Variants in SLIT3 observed in about 807,000 individuals in gnomAD.
SLIT3 encodes the protein slit homolog 3 protein.
Under a neutral mutation model 184.0 loss-of-function variants are expected in SLIT3, and 68 were observed. The ratio of observed to expected loss-of-function variants is 0.37; its 90% CI spans 0.30 to 0.45. The LOEUF (loss-of-function observed/expected upper bound fraction) is 0.45. SLIT3 is among the 20% of genes least tolerant of loss of function. The pLI, the probability that SLIT3 is intolerant of heterozygous loss-of-function variation, is 1.00. For synonymous variants in SLIT3, 831 were observed against 828.6 expected, an observed-to-expected ratio of 1.00 and a Z score of -0.05; for missense variants, 1,707 against 2,026.0, an observed-to-expected ratio of 0.84 and a Z score of 3.02.
At chr5:168,733,056 C>T (rs930326762) in intron 20 of SLIT3, among the ~76,000 whole-genome samples, 1 of 151,806 alleles carries the variant, frequency 6.6e-6, no homozygotes, top group Non-Finnish European at 1.5e-5. Flanking sequence ...TTAAACTATG[C>T]CTAAACAAAG....
At chr5:168,709,828 G>A (rs2113315324) in intron 25 of SLIT3, among the ~76,000 whole-genome samples, 1 of 148,130 alleles carries the variant, frequency 6.8e-6, no homozygotes, top group African/African-American at 2.6e-5. Context: ...CAAAATAAAA[G>A]GAGTTTTTTT....
At chr5:169,255,762 T>A (rs1046957853) in intron 1 of SLIT3, among the ~76,000 whole-genome samples, 1 of 151,948 alleles carries the variant, frequency 6.6e-6, no homozygotes, top group Non-Finnish European at 1.5e-5. Flanking sequence ...GGGTGCCTGT[T>A]GTCCCAGCTA....
At chr5:169,101,962 C>T (rs1760036114) in intron 4 of SLIT3, among the ~76,000 whole-genome samples, 3 of 152,190 alleles carry the variant, frequency 2.0e-5, no homozygotes, top group Admixed American at 2.0e-4. Context: ...CTGGCCTTTC[C>T]CAGCACTGAC....
intron 30 of SLIT3, among the ~76,000 whole-genome samples, chr5:168,686,671 A>C: frequency 6.6e-6 from 1 of 152,244 alleles, no homozygotes; most frequent in Non-Finnish European, 1.5e-5. Flanking sequence ...AGATGGTGGC[A>C]TCTTCCATTA....
chr5:168,740,611 A>C (rs1763596063), intron 20 of SLIT3, among the ~76,000 whole-genome samples: 1 of 152,064 alleles, frequency 6.6e-6, no homozygotes, highest in Non-Finnish European at 1.5e-5. Context: ...GCCAGCTTTC[A>C]CTTTCTTTGA....
chr5:169,111,411 G>A (rs1461149761), intron 4 of SLIT3, among the ~76,000 whole-genome samples: 1 of 152,218 alleles, frequency 6.6e-6, no homozygotes, highest in Non-Finnish European at 1.5e-5. Flanking sequence ...TAACATGAAA[G>A]TAGCCATAGA....
At position 169,122,668 on chromosome 5, in the gene SLIT3, G is replaced by A. The variant is rs185648898; in HGVS notation, c.413+70811C>T. 4.8e-4 allele frequency among the ~76,000 whole-genome samples: 73 copies of A among 152,190 alleles called. 1 individual carries two copies. The highest frequency in any genetic ancestry group is 1.5e-3 in the African/African-American group (61 of 41,510). ...CAGTGTCCCTTTATTTTAGGTTACCGGTAACACCATCACCACCTCCTAGAA... is the reference window on the plus strand; with the variant it reads ...CAGTGTCCCTTTATTTTAGGTTACCAGTAACACCATCACCACCTCCTAGAA... On this transcript the variant is annotated intron_variant, in intron 4 of 35. Transcript: ENST00000519560.
chr5:168,711,010 C>A lies in SLIT3; in HGVS notation c.2604G>T (p.Leu868=). Residue 868 remains leucine (L), a synonymous_variant, in exon 25 of 36, where the codon CTG becomes CTT. Coordinates refer to ENST00000519560, the MANE Select transcript of SLIT3 (RefSeq NM_003062.4). ...TGTACCCCGCCTTCACCCACTCCGA[C>A]AGCCACCGAAGACTGCAGTCACAGT... ...PLHCDCSLRW[L]SEWVKAGYKE... 1 of 1,582,542 alleles carries A rather than the reference C, an allele frequency of 6.3e-7. No homozygotes were observed. Among genetic ancestry groups the A allele is most frequent in the Non-Finnish European group, 8.6e-7 (1 of 1,163,472 alleles).
At chr5:169,032,509 A>ATTTTT (rs3072089) in intron 4 of SLIT3, among the ~76,000 whole-genome samples, 2,325 of 145,318 alleles carry the variant, frequency 0.016, 66 homozygotes, top group African/African-American at 0.054. Flanking sequence ...TGTGCCAGTC[A>ATTTTT]TTTTTTTTTT....
intron 1 of SLIT3, among the ~76,000 whole-genome samples, chr5:169,278,970 G>T (rs1411475916): frequency 2.0e-5 from 3 of 152,152 alleles, no homozygotes; most frequent in Admixed American, 2.0e-4. Context: ...TACGGGGGCT[G>T]TACCATGAGG....
chr5:168,857,373 T>TTTTTTTTG (rs1554149579), intron 5 of SLIT3, among the ~76,000 whole-genome samples: 1 of 150,818 alleles, frequency 6.6e-6, no homozygotes, highest in Non-Finnish European at 1.5e-5. Flanking sequence ...AGAGTTTTTG[T>TTTTTTTTG]TTTTGTTTTG....
At chr5:168,702,692 A>C (rs1217355384) in intron 26 of SLIT3, among the ~76,000 whole-genome samples, 2 of 152,114 alleles carry the variant, frequency 1.3e-5, no homozygotes, top group African/African-American at 2.4e-5. Flanking sequence ...GATGATGATG[A>C]TGATGATGAT....
At chr5:168,991,807 C>T (rs1044147186) in intron 4 of SLIT3, among the ~76,000 whole-genome samples, 7 of 152,180 alleles carry the variant, frequency 4.6e-5, no homozygotes, top group African/African-American at 9.6e-5. Flanking sequence ...AGAAAAACAG[C>T]CCAGACTCCA....
At chr5:168,686,666 G>A (rs1761754008) in intron 30 of SLIT3, among the ~76,000 whole-genome samples, 4 of 152,224 alleles carry the variant, frequency 2.6e-5, no homozygotes, top group Admixed American at 2.6e-4. Flanking sequence ...CTTCAAGATG[G>A]TGGCATCTTC....
At chr5:168,872,830 C>T (rs1280572862) in intron 5 of SLIT3, among the ~76,000 whole-genome samples, 2 of 151,850 alleles carry the variant, frequency 1.3e-5, no homozygotes, top group Admixed American at 6.6e-5. Context: ...TTAGTAGAGA[C>T]GGGGTTTCAC....
In SLIT3 at chr5:169,001,874, T is replaced by C. The variant is rs559601418; in HGVS notation, c.414-118538A>G. Among the ~76,000 whole-genome samples the C allele has an allele frequency of 1.3e-3, 197 of 152,162 alleles. 2 individuals carry two copies. Among genetic ancestry groups the C allele is most frequent in the African/African-American group, 4.6e-3 (191 of 41,510 alleles). On this transcript the variant is annotated intron_variant, in intron 4 of 35. Transcript: ENST00000519560. ...AACCAAAGTCTCCCTCCTTTTTTTT[T>C]CCCCTTGACATACAGAATTGCAGGG...
intron 24 of SLIT3, among the ~76,000 whole-genome samples, chr5:168,711,377 A>C (rs1379655401): frequency 6.6e-6 from 1 of 152,100 alleles, no homozygotes; most frequent in Non-Finnish European, 1.5e-5. Flanking sequence ...CCATCTGATT[A>C]TCTGGTTCCC....
Position 169,077,894 on chromosome 5 carries a change from T to C in SLIT3, c.413+115585A>G, listed in dbSNP as rs535604252. Among the ~76,000 whole-genome samples, 10 of 149,130 alleles carry C rather than the reference T, an allele frequency of 6.7e-5. No homozygotes were observed. In the East Asian group the frequency reaches 2.0e-3, roughly 29 times the overall value. On this transcript the variant is annotated intron_variant, in intron 4 of 35. Coordinates refer to ENST00000519560, the MANE Select transcript of SLIT3 (RefSeq NM_003062.4). ...TGTAAAAAAATATTATTTTAAAAAA[T>C]AGCAACACTTTTTAAGTTTCCTTTT...
Position 168,901,468 on chromosome 5 carries a change from G to A in SLIT3, c.414-18132C>T, listed in dbSNP as rs939769284. ...TCTCCATCCTCAACCCAACAACCCA[G>A]TCAGTCCTCCCAGTTTGACTTCCTT... On this transcript the variant is annotated intron_variant, in intron 4 of 35. Coordinates refer to ENST00000519560, the MANE Select transcript of SLIT3 (RefSeq NM_003062.4). Among the ~76,000 whole-genome samples, 8 of 152,140 alleles carry A rather than the reference G, an allele frequency of 5.3e-5. 1 individual carries two copies. The East Asian group carries it at 1.5e-3, about 29-fold the overall frequency.
Sources: gnomAD v4.1 joint callset for allele counts (sites outside exome capture counted in the v4.1 genomes callset) on GRCh38, gnomAD v4.1.1 for gene constraint, MANE v1.5 for transcripts, NCBI Gene and HGNC (gene_info 2026-07-23, HGNC 2026-07-21) for gene names.